The following ZNF804B variants were observed in gnomAD, a reference collection of about 807,000 sequenced individuals.
The protein encoded by ZNF804B is zinc finger 804B.
Under a neutral mutation model 101.4 loss-of-function variants are expected in ZNF804B, and 80 were observed. The ratio of observed to expected loss-of-function variants is 0.79; its 90% CI spans 0.66 to 0.95. The LOEUF (loss-of-function observed/expected upper bound fraction) is 0.95. ZNF804B is among the 40% of genes least tolerant of loss of function. The pLI, the probability that ZNF804B is intolerant of heterozygous loss-of-function variation, is 0.00. For missense variants in ZNF804B, 1,673 were observed against 1,561.9 expected, an observed-to-expected ratio of 1.07 and a Z score of -1.20; for synonymous variants, 622 against 558.8, an observed-to-expected ratio of 1.11 and a Z score of -1.59.
intron 1 of ZNF804B, among the ~76,000 whole-genome samples, chr7:89,161,730 G>C (rs1584024587): frequency 6.6e-6 from 1 of 152,082 alleles, no homozygotes; most frequent in South Asian, 2.1e-4. Context: ...TGCTTTTTAT[G>C]GAGAATTGGT....
At chr7:89,198,484 A>G (rs1346399918) in intron 1 of ZNF804B, among the ~76,000 whole-genome samples, 2 of 151,950 alleles carry the variant, frequency 1.3e-5, no homozygotes, top group Non-Finnish European at 2.9e-5. Context: ...TCACATTGCA[A>G]TTAGTGAAAA....
rs1554339289 is a variant in ZNF804B at position 88,845,301 on chromosome 7, G to GCGCACACACA, written c.108+85218_108+85219insGCACACACAC. Among the ~76,000 whole-genome samples the GCGCACACACA allele has an allele frequency of 2.1e-4, 32 of 149,916 alleles. 1 individual carries two copies. The highest frequency in any genetic ancestry group is 1.1e-3 in the South Asian group (5 of 4,734). On this transcript the variant is annotated intron_variant, in intron 1 of 3. Coordinates refer to ENST00000333190, the MANE Select transcript of ZNF804B (RefSeq NM_181646.5). Reference sequence around the variant, plus strand: ...TGCGCACGCGCGCGCGCACGCGCGCGCACACACACACACACACACAATAAC... The same window carrying GCGCACACACA: ...TGCGCACGCGCGCGCGCACGCGCGCGCGCACACACACACACACACACACACACACAATAAC...
At chr7:88,924,303 A>G (rs1792763988) in intron 1 of ZNF804B, among the ~76,000 whole-genome samples, 1 of 151,796 alleles carries the variant, frequency 6.6e-6, no homozygotes, top group South Asian at 2.1e-4. Context: ...TATTATTTAT[A>G]TTTGCAATTC....
intron 1 of ZNF804B, among the ~76,000 whole-genome samples, chr7:88,916,521 A>T (rs1792634197): frequency 6.6e-6 from 1 of 152,028 alleles, no homozygotes; most frequent in Non-Finnish European, 1.5e-5. Context: ...TAGATTGATT[A>T]AAAAATTAAT....
intron 1 of ZNF804B, among the ~76,000 whole-genome samples, chr7:89,156,019 C>CTTTCTTT (rs1554371311): frequency 4.1e-5 from 5 of 121,932 alleles, no homozygotes; most frequent in African/African-American, 1.3e-4. Context: ...TTCTCTCTTT[C>CTTTCTTT]CTTTCTTTCT....
At chr7:88,921,551 AT>A (rs1415475884) in intron 1 of ZNF804B, among the ~76,000 whole-genome samples, 26 of 152,214 alleles carry the variant, frequency 1.7e-4, no homozygotes, top group African/African-American at 6.0e-4. Context: ...TAGACCCTAG[AT>A]TTGTTTCCTA....
At chr7:88,952,960 GGGA>G (rs912519300) in intron 1 of ZNF804B, among the ~76,000 whole-genome samples, 3 of 151,708 alleles carry the variant, frequency 2.0e-5, no homozygotes, top group African/African-American at 4.8e-5. Context: ...TACAGGCAGT[GGGA>G]GGAATCCTGT....
chr7:89,161,754 A>G (rs1791067772), intron 1 of ZNF804B, among the ~76,000 whole-genome samples: 1 of 152,126 alleles, frequency 6.6e-6, no homozygotes, highest in African/African-American at 2.4e-5. Context: ...ATATCCTAAT[A>G]TCTGGTTAAA....
intron 2 of ZNF804B, among the ~76,000 whole-genome samples, chr7:89,310,456 T>C (rs1253142065): frequency 6.6e-6 from 1 of 152,222 alleles, no homozygotes; most frequent in African/African-American, 2.4e-5. Flanking sequence ...GAGTCTAATT[T>C]CATTAATTTC....
intron 1 of ZNF804B, among the ~76,000 whole-genome samples, chr7:88,953,015 G>A (rs1374825139): frequency 1.3e-5 from 2 of 151,714 alleles, no homozygotes; most frequent in East Asian, 2.0e-4. Flanking sequence ...ATAGGAATTC[G>A]AAGTGTTTCC....
chr7:89,254,477 C>T (rs1432201719), intron 2 of ZNF804B, among the ~76,000 whole-genome samples: 1 of 150,284 alleles, frequency 6.7e-6, no homozygotes. Context: ...AAAAAAAAAC[C>T]CACAACACAT....
At chr7:89,268,747 C>T (rs1176740868) in intron 2 of ZNF804B, among the ~76,000 whole-genome samples, 3 of 152,038 alleles carry the variant, frequency 2.0e-5, no homozygotes, top group Non-Finnish European at 4.4e-5. Flanking sequence ...GCAAGAGATT[C>T]ACTTCACAGA....
chr7:89,094,684 C>A (rs1179365955), intron 1 of ZNF804B, among the ~76,000 whole-genome samples: 2 of 141,838 alleles, frequency 1.4e-5, no homozygotes. Context: ...ATTTTTTTTT[C>A]AGTTTGTAGA....
rs141582191 is a variant in ZNF804B, at chr7:88,838,748, C to G, written c.108+78664C>G. On this transcript the variant is annotated intron_variant, in intron 1 of 3. Coordinates refer to ENST00000333190, the MANE Select transcript of ZNF804B (RefSeq NM_181646.5). ...TGCCTTTGTTTCTTAATCTTGAAAA[C>G]TGAGAGAAATAGAATCTATCTTGTA... 8.6e-5 allele frequency among the ~76,000 whole-genome samples: 13 copies of G among 151,944 alleles called. No individual in the cohort carries two copies. In the East Asian group the frequency reaches 2.5e-3, roughly 29 times the overall value.
chr7:88,928,150 C>A (rs560787420), intron 1 of ZNF804B, among the ~76,000 whole-genome samples: 1 of 152,092 alleles, frequency 6.6e-6, no homozygotes, highest in Admixed American at 6.6e-5. Flanking sequence ...GCCTTTGGTA[C>A]GGTCCTTTAG....
At chr7:88,878,625 T>A (rs1317449818) in intron 1 of ZNF804B, among the ~76,000 whole-genome samples, 1 of 152,162 alleles carries the variant, frequency 6.6e-6, no homozygotes, top group Non-Finnish European at 1.5e-5. Flanking sequence ...TATACTATGC[T>A]ATTTTTGACA....
chr7:88,980,032 T>G (rs900054386), intron 1 of ZNF804B, among the ~76,000 whole-genome samples: 3 of 151,916 alleles, frequency 2.0e-5, no homozygotes, highest in African/African-American at 7.2e-5. Context: ...GTATATAAGT[T>G]GGATTTTTCA....
At chr7:89,192,846 C>T (rs1029870967) in intron 1 of ZNF804B, among the ~76,000 whole-genome samples, 2 of 152,058 alleles carry the variant, frequency 1.3e-5, no homozygotes, top group Admixed American at 1.3e-4. Flanking sequence ...GTTAGTTCAA[C>T]ATTCATAAAT....
Position 89,338,327 on chromosome 7 carries a change from G to T in ZNF804B, c.*1295G>T, listed in dbSNP as rs1216125258. Among the ~76,000 whole-genome samples the T allele has an allele frequency of 6.6e-6, 1 of 151,974 alleles. No homozygotes were observed. The highest frequency in any genetic ancestry group is 1.5e-5 in the Non-Finnish European group (1 of 67,914). ...CAAAAGGAAGATAGCTATATTTAAGGCTTGTTGTGATTCAGGTACAGTTAC... is the reference window on the plus strand; with the variant it reads ...CAAAAGGAAGATAGCTATATTTAAGTCTTGTTGTGATTCAGGTACAGTTAC... On this transcript the variant is annotated 3_prime_UTR_variant, in exon 4 of 4. Coordinates refer to ENST00000333190, the MANE Select transcript of ZNF804B (RefSeq NM_181646.5).
Sources: gnomAD v4.1 joint callset for allele counts (sites outside exome capture counted in the v4.1 genomes callset) on GRCh38, gnomAD v4.1.1 for gene constraint, MANE v1.5 for transcripts, NCBI Gene and HGNC (gene_info 2026-07-23, HGNC 2026-07-21) for gene names.